The following ARL8B variants were observed in gnomAD, a reference collection of about 807,000 sequenced individuals.
The protein encoded by ARL8B is ARF like GTPase 8B.
ARL8B carries 9 observed loss-of-function variants against 30.6 expected under a neutral mutation model. The ratio of observed to expected loss-of-function variants is 0.29; its 90% CI spans 0.18 to 0.51. The LOEUF is 0.51. Among genes scored for constraint, ARL8B ranks in the 20% least tolerant of loss-of-function variants. The pLI, the probability that ARL8B is intolerant of heterozygous loss-of-function variation, is 0.97. For missense variants in ARL8B, 130 were observed against 227.2 expected, an observed-to-expected ratio of 0.57 and a Z score of 2.75; for synonymous variants, 74 against 76.0, an observed-to-expected ratio of 0.97 and a Z score of 0.14.
intron 1 of ARL8B, among the ~76,000 whole-genome samples, chr3:5,155,527 G>T (rs1575568461): frequency 6.6e-6 from 1 of 152,038 alleles, no homozygotes; most frequent in East Asian, 1.9e-4. Context: ...GACTTCCACA[G>T]TGTGCATGTT....
intron 1 of ARL8B, among the ~76,000 whole-genome samples, chr3:5,145,421 G>A (rs1381894326): frequency 6.6e-6 from 1 of 152,062 alleles, no homozygotes; most frequent in African/African-American, 2.4e-5. Context: ...GATAGCTTTC[G>A]ACTCTCCTCT....
intron 1 of ARL8B, among the ~76,000 whole-genome samples, chr3:5,154,542 C>T (rs887258504): frequency 6.6e-5 from 10 of 152,046 alleles, no homozygotes; most frequent in African/African-American, 2.2e-4. Context: ...CTATGTTGGC[C>T]AGGTTGTGTC....
In ARL8B at chr3:5,132,882, A is replaced by G. The variant is rs538945948; in HGVS notation, c.123+10294A>G. Among the ~76,000 whole-genome samples the G allele has an allele frequency of 9.2e-5, 14 of 152,252 alleles. No individual in the cohort carries two copies. In the East Asian group the frequency reaches 2.7e-3, roughly 29 times the overall value. On this transcript the variant is annotated intron_variant, in intron 1 of 6. Coordinates refer to ENST00000256496, the MANE Select transcript of ARL8B (RefSeq NM_018184.3). ...AAAATGCTATTGGAATTCTCCCCTGACCCACCCCATTAAGACATTGGAGGA... is the reference window on the plus strand; with the variant it reads ...AAAATGCTATTGGAATTCTCCCCTGGCCCACCCCATTAAGACATTGGAGGA...
intron 1 of ARL8B, among the ~76,000 whole-genome samples, chr3:5,123,934 C>T (rs996718047): frequency 6.6e-6 from 1 of 151,966 alleles, no homozygotes; most frequent in Non-Finnish European, 1.5e-5. Flanking sequence ...AGTGCAGTGG[C>T]GAGATCTCAG....
chr3:5,172,778 T>A (rs755243365), intron 4 of ARL8B, 38 bp downstream of exon 4: 1 of 1,175,050 alleles, frequency 8.5e-7, no homozygotes, highest in Admixed American at 1.9e-5. Context: ...ATTGTAATTA[T>A]ATAATGATAT....
At chr3:5,174,449 T>C in intron 6 of ARL8B, 35 bp downstream of exon 6, 1 of 1,355,044 alleles carries the variant, frequency 7.4e-7, no homozygotes, top group African/African-American at 1.4e-5. Flanking sequence ...AAGAAATGGG[T>C]ATCATTGGAA....
In ARL8B at chr3:5,150,428, A is replaced by G. The variant is rs150444779; in HGVS notation, c.124-20075A>G. Among the ~76,000 whole-genome samples, 1,346 of 150,900 alleles carry G rather than the reference A, an allele frequency of 8.9e-3. 19 individuals are homozygous for G. Among genetic ancestry groups the G allele is most frequent in the African/African-American group, 0.031 (1,262 of 40,728 alleles). Reference sequence around the variant, plus strand: ...CAGTGAGCCGAGATCTTGCCACTGCACTCCAGCCTTGGTGACAGAGCGAGA... The same window carrying G: ...CAGTGAGCCGAGATCTTGCCACTGCGCTCCAGCCTTGGTGACAGAGCGAGA... On this transcript the variant is annotated intron_variant, in intron 1 of 6. Coordinates refer to ENST00000256496, the MANE Select transcript of ARL8B (RefSeq NM_018184.3).
rs893390778 is a variant in ARL8B, at chr3:5,178,956, T to C, written c.*243T>C. ...TCTTACACATACCTGTCTTAAACCA[T>C]GTGTAGAGCTTTAAAAACAGAAAAA... On this transcript the variant is annotated 3_prime_UTR_variant, in exon 7 of 7. Transcript: ENST00000256496. 3.2e-5 allele frequency: 15 copies of C among 471,204 alleles called. No homozygotes were observed. Among genetic ancestry groups the C allele is most frequent in the Middle Eastern group, 6.2e-4 (1 of 1,624 alleles). 29.2% of individuals were successfully genotyped at this position (471,204 alleles called of 1,614,324 possible). A position where few individuals can be genotyped will look rare whatever the true frequency, so the allele number is the denominator to read the frequency against.
intron 2 of ARL8B, 45 bp downstream of exon 2, chr3:5,170,628 C>T (rs757868511): frequency 7.0e-7 from 1 of 1,423,968 alleles, no homozygotes; most frequent in Non-Finnish European, 9.7e-7. Context: ...TTAGCACAGA[C>T]CCCTAGAAAT....
chr3:5,167,424 T>C (rs958430976), intron 1 of ARL8B, among the ~76,000 whole-genome samples: 1 of 152,202 alleles, frequency 6.6e-6, no homozygotes, highest in Non-Finnish European at 1.5e-5. Context: ...ATCATAGGTA[T>C]GTATGTATTG....
chr3:5,133,457 G>A (rs1230110769), intron 1 of ARL8B, among the ~76,000 whole-genome samples: 1 of 152,198 alleles, frequency 6.6e-6, no homozygotes, highest in Non-Finnish European at 1.5e-5. Context: ...TATGGAAATA[G>A]GATGAGTACA....
rs149777022 is a variant in ARL8B, at chr3:5,140,981, G to A, written c.123+18393G>A. On this transcript the variant is annotated intron_variant, in intron 1 of 6. Coordinates refer to ENST00000256496, the MANE Select transcript of ARL8B (RefSeq NM_018184.3). ...CAACAGGTAATTTATCTCCTAGCAC[G>A]CAAGTCCCTCCCCCAGCTCCTCATT... Among the ~76,000 whole-genome samples the A allele has an allele frequency of 7.1e-3, 1,078 of 152,282 alleles. 10 individuals are homozygous for A. Among genetic ancestry groups the A allele is most frequent in the Non-Finnish European group, 0.012 (817 of 68,034 alleles).
rs528886040 is a variant in ARL8B at position 5,141,768 on chromosome 3, G to A, written c.123+19180G>A. Among the ~76,000 whole-genome samples the A allele has an allele frequency of 8.7e-4, 133 of 152,248 alleles. 1 individual carries two copies. The highest frequency in any genetic ancestry group is 3.1e-3 in the African/African-American group (130 of 41,530). Reference sequence around the variant, plus strand: ...TTACACCCCCTTTTTCTGGTATTACGTCTAGTGCAAGCCTGTTTTTCCAGG... The same window carrying A: ...TTACACCCCCTTTTTCTGGTATTACATCTAGTGCAAGCCTGTTTTTCCAGG... On this transcript the variant is annotated intron_variant, in intron 1 of 6. Transcript: ENST00000256496.
At chr3:5,143,185 T>G (rs1172178819) in intron 1 of ARL8B, among the ~76,000 whole-genome samples, 1 of 152,210 alleles carries the variant, frequency 6.6e-6, no homozygotes, top group Non-Finnish European at 1.5e-5. Flanking sequence ...TTACATAGAT[T>G]ACAAACCTGA....
chr3:5,134,478 G>A (rs886148004), intron 1 of ARL8B, among the ~76,000 whole-genome samples: 1 of 152,174 alleles, frequency 6.6e-6, no homozygotes, highest in South Asian at 2.1e-4. Context: ...GCCTGGCTTA[G>A]GTTTGTATAG....
At chr3:5,123,714 T>C (rs146232865) in intron 1 of ARL8B, among the ~76,000 whole-genome samples, 46 of 152,250 alleles carry the variant, frequency 3.0e-4, no homozygotes, top group African/African-American at 1.1e-3. Context: ...TTTGAGAAAA[T>C]AGGTAACTTG....
chr3:5,156,419 T>G (rs2054533928), intron 1 of ARL8B, among the ~76,000 whole-genome samples: 1 of 151,538 alleles, frequency 6.6e-6, no homozygotes, highest in South Asian at 2.1e-4. Flanking sequence ...TGTTCGTTTG[T>G]TTGGTTTTGT....
intron 6 of ARL8B, among the ~76,000 whole-genome samples, chr3:5,175,093 T>A (rs2054717229): frequency 6.6e-6 from 1 of 152,100 alleles, no homozygotes; most frequent in Non-Finnish European, 1.5e-5. Flanking sequence ...GAGCCCGGCC[T>A]ATATGTTATC....
At chr3:5,122,733 G>A in intron 1 of ARL8B, 145 bp downstream of exon 1, 1 of 972,118 alleles carries the variant, frequency 1.0e-6, no homozygotes, top group Non-Finnish European at 1.5e-6. Flanking sequence ...ATCTCCCGAG[G>A]GCCAGCATTT....
Sources: allele counts gnomAD v4.1 joint callset (sites outside exome capture counted in the v4.1 genomes callset), GRCh38; gene constraint gnomAD v4.1.1; transcripts MANE v1.5; gene names NCBI Gene and HGNC (gene_info 2026-07-23, HGNC 2026-07-21).